TNRC6B: variants seen among roughly 807,000 people sequenced by gnomAD.
TNRC6B encodes trinucleotide repeat-containing gene 6B protein.
A neutral mutation model predicts 203.6 loss-of-function variants in TNRC6B; 52 were observed. That is an observed-to-expected ratio of 0.26 (90% CI 0.20 to 0.32). The LOEUF is 0.32. Ranked by LOEUF, TNRC6B falls within the 10% of genes least tolerant of loss-of-function variation. The pLI, the probability that TNRC6B is intolerant of heterozygous loss-of-function variation, is 1.00. For synonymous variants in TNRC6B, 838 were observed against 845.7 expected (o/e 0.99, Z 0.16); for missense variants, 1,923 against 2,286.2 (o/e 0.84, Z 3.24).
At chr22:40,222,438 G>T (rs1001203111) in intron 1 of TNRC6B, among the ~76,000 whole-genome samples, 11 of 152,124 alleles carry the variant, frequency 7.2e-5, no homozygotes, top group African/African-American at 2.7e-4. Flanking sequence ...GGAGGAATGG[G>T]GCTTGTGTGA....
chr22:40,214,811 C>A (rs2069613209), intron 1 of TNRC6B, among the ~76,000 whole-genome samples: 1 of 152,164 alleles, frequency 6.6e-6, no homozygotes, highest in Non-Finnish European at 1.5e-5. Context: ...ACCTTGGCCT[C>A]CCAAAGTGCT....
At chr22:40,077,468 C>A (rs2068026621) in intron 1 of TNRC6B, among the ~76,000 whole-genome samples, 1 of 152,140 alleles carries the variant, frequency 6.6e-6, no homozygotes, top group Non-Finnish European at 1.5e-5. Context: ...AGATCTCATT[C>A]AATTCCCACT....
chr22:40,137,018 CAAAG>C (rs2068605616), intron 3 of TNRC6B, among the ~76,000 whole-genome samples: 1 of 152,072 alleles, frequency 6.6e-6, no homozygotes, highest in East Asian at 1.9e-4. Context: ...GTTTCATTGA[CAAAG>C]AACTGCAAGA....
rs2044023191 is a variant in TNRC6B, at chr22:40,335,503, A to C, written c.*12262A>C. On this transcript the variant is annotated 3_prime_UTR_variant, in exon 23 of 23. Coordinates refer to ENST00000454349, the MANE Select transcript of TNRC6B (RefSeq NM_001162501.2). ...AAAAAAAAAAAAAAAAGTATCAAAA[A>C]CAAAAAAAACTAAAGGGTGGTGTTT... 1 of 151,370 alleles carries C rather than the reference A, an allele frequency of 6.6e-6. No homozygotes were observed. The highest frequency in any genetic ancestry group is 2.4e-5 in the African/African-American group (1 of 41,276). 9.4% of individuals were successfully genotyped at this position (151,370 alleles called of 1,614,324 possible). A position where few individuals can be genotyped will look rare whatever the true frequency, so the allele number is the denominator to read the frequency against.
At chr22:40,319,409 T>C (rs1287443117) in intron 21 of TNRC6B, among the ~76,000 whole-genome samples, 4 of 150,648 alleles carry the variant, frequency 2.7e-5, no homozygotes, top group Non-Finnish European at 3.0e-5. Context: ...TATGTTGTTA[T>C]AACTTTTCTT....
Position 40,309,115 on chromosome 22 carries a change from A to G in TNRC6B, c.4258+466A>G, listed in dbSNP as rs182589811. Among the ~76,000 whole-genome samples, 333 of 152,352 alleles carry G rather than the reference A, an allele frequency of 2.2e-3. 2 individuals are homozygous for G. The highest frequency in any genetic ancestry group is 6.8e-3 in the African/African-American group (284 of 41,592). On this transcript the variant is annotated intron_variant, in intron 16 of 22. Coordinates refer to ENST00000454349, the MANE Select transcript of TNRC6B (RefSeq NM_001162501.2). ...ACTTTTCACAAAGCTTTCTTATTCTATGTGAATTAGAGTGTCTGCAAGACA... is the reference window on the plus strand; with the variant it reads ...ACTTTTCACAAAGCTTTCTTATTCTGTGTGAATTAGAGTGTCTGCAAGACA...
intron 1 of TNRC6B, among the ~76,000 whole-genome samples, chr22:40,234,213 G>A (rs2146454440): frequency 6.6e-6 from 1 of 152,288 alleles, no homozygotes; most frequent in African/African-American, 2.4e-5. Context: ...TCAAGCCCAG[G>A]AGTTTGAGGC....
At chr22:40,287,517 T>TC (rs1337350947) in intron 12 of TNRC6B, among the ~76,000 whole-genome samples, 5 of 152,168 alleles carry the variant, frequency 3.3e-5, no homozygotes, top group Admixed American at 6.5e-5. Context: ...TGGGACTGTG[T>TC]CCCCTTGGCA....
rs566859164 is a variant in TNRC6B at position 40,323,805 on chromosome 22, A to T, written c.*564A>T. On this transcript the variant is annotated 3_prime_UTR_variant, in exon 23 of 23. Coordinates refer to ENST00000454349, the MANE Select transcript of TNRC6B (RefSeq NM_001162501.2). ...AAAACCTAAAAAAAAAAAAAAGGAA[A>T]AAATTTGTGATTGGCTGGTTGATAA... The T allele has an allele frequency of 1.3e-5, 2 of 153,020 alleles. No homozygotes were observed. Among genetic ancestry groups the T allele is most frequent in the African/African-American group, 4.8e-5 (2 of 41,526 alleles). The allele number at this position is 153,020 out of a possible 1,614,324, so 9.5% of individuals were successfully genotyped here.
At chr22:40,300,870 A>G in intron 13 of TNRC6B, 40 bp from the exon 14 acceptor site, 1 of 1,589,502 alleles carries the variant, frequency 6.3e-7, no homozygotes, top group Non-Finnish European at 8.6e-7. Flanking sequence ...AATCAATCTC[A>G]GGAAACTTTG....
chr22:40,108,892 A>G (rs1409954512), intron 1 of TNRC6B, among the ~76,000 whole-genome samples: 1 of 152,180 alleles, frequency 6.6e-6, no homozygotes, highest in Non-Finnish European at 1.5e-5. Flanking sequence ...TATTAAGCCC[A>G]GCATACATTA....
At chr22:40,232,780 A>G (rs372860767) in intron 1 of TNRC6B, among the ~76,000 whole-genome samples, 24 of 152,356 alleles carry the variant, frequency 1.6e-4, no homozygotes, top group African/African-American at 5.8e-4. Flanking sequence ...TAGGAGGCCA[A>G]GGCAGGCGGA....
chr22:40,087,158 A>G (rs1188953202), intron 1 of TNRC6B, among the ~76,000 whole-genome samples: 2 of 151,028 alleles, frequency 1.3e-5, no homozygotes, highest in Non-Finnish European at 2.9e-5. Context: ...TATTTTTATC[A>G]TAAAAACTCA....
At chr22:40,180,513 A>G (rs1451337727) in intron 1 of TNRC6B, among the ~76,000 whole-genome samples, 4 of 152,208 alleles carry the variant, frequency 2.6e-5, no homozygotes, top group Non-Finnish European at 4.4e-5. Context: ...GGTGAGATAA[A>G]TAAGACCTGG....
chr22:40,091,144 C>T (rs2068147605), intron 1 of TNRC6B, among the ~76,000 whole-genome samples: 1 of 151,914 alleles, frequency 6.6e-6, no homozygotes, highest in Non-Finnish European at 1.5e-5. Context: ...ACCACACCCG[C>T]ATAATTTTTT....
At chr22:40,290,202 G>A (rs534944948) in intron 12 of TNRC6B, among the ~76,000 whole-genome samples, 12 of 152,326 alleles carry the variant, frequency 7.9e-5, no homozygotes, top group East Asian at 1.9e-4. Context: ...AAATGTGGCC[G>A]CTGGACTGGA....
chr22:40,067,570 T>G lies in TNRC6B; in HGVS notation c.-121+22572T>G, dbSNP rs1379061640. Among the ~76,000 whole-genome samples, 6 of 152,190 alleles carry G rather than the reference T, an allele frequency of 3.9e-5. 1 individual carries two copies. The East Asian group carries it at 1.2e-3, about 29-fold the overall frequency. ...GTGTCTCAGCCCAAGTTGAGAGGCTTAAGAACCAAGGAAGCCAGTGGTGTA... is the reference window on the plus strand; with the variant it reads ...GTGTCTCAGCCCAAGTTGAGAGGCTGAAGAACCAAGGAAGCCAGTGGTGTA... On this transcript the variant is annotated intron_variant, in intron 1 of 23. Coordinates refer to the TNRC6B transcript ENST00000301923.
intron 7 of TNRC6B, among the ~76,000 whole-genome samples, chr22:40,274,361 C>T (rs138272716): frequency 6.8e-4 from 103 of 151,986 alleles, no homozygotes; most frequent in African/African-American, 2.4e-3. Flanking sequence ...ACCCTTCTCC[C>T]GACAAATGAA....
chr22:40,249,902 C>T (rs577652762), intron 2 of TNRC6B, among the ~76,000 whole-genome samples: 7 of 152,280 alleles, frequency 4.6e-5, no homozygotes, highest in African/African-American at 1.7e-4. Flanking sequence ...TCATTTAACA[C>T]AGGAATGTAG....
Sources: allele counts gnomAD v4.1 joint callset (sites outside exome capture counted in the v4.1 genomes callset), GRCh38; gene constraint gnomAD v4.1.1; transcripts MANE v1.5; gene names NCBI Gene and HGNC (gene_info 2026-07-23, HGNC 2026-07-21).